Variants in PSMD7 observed in about 807,000 individuals in gnomAD.
PSMD7 encodes 26S proteasome non-ATPase regulatory subunit 7.
In PSMD7, 13 loss-of-function variants were observed where a neutral mutation model predicts 36.4. The observed-to-expected ratio is 0.36, with a 90% confidence interval of 0.23 to 0.57. The LOEUF is 0.57. Ranked by LOEUF, PSMD7 falls within the 20% of genes least tolerant of loss-of-function variation. The pLI is 0.83. For missense variants in PSMD7, 298 were observed against 393.6 expected (o/e 0.76, Z 2.06); for synonymous variants, 186 against 151.0 (o/e 1.23, Z -1.70).
intron 2 of PSMD7, 65 bp downstream of exon 2, chr16:74,300,271 A>C: frequency 7.0e-7 from 1 of 1,438,636 alleles, no homozygotes; most frequent in South Asian, 1.2e-5. Context: ...TTAAAAATAT[A>C]AACCTTTGTT....
chr16:74,297,316 C>T (rs1036152410), intron 1 of PSMD7, among the ~76,000 whole-genome samples: 1 of 152,168 alleles, frequency 6.6e-6, no homozygotes, highest in African/African-American at 2.4e-5. Context: ...ATGCGGCTAG[C>T]TTTAGTTGGC....
chr16:74,300,522 C>T lies in PSMD7; in HGVS notation c.166+316C>T, dbSNP rs2034147599. On this transcript the variant is annotated intron_variant, in intron 2 of 6. Coordinates refer to ENST00000219313, the MANE Select transcript of PSMD7 (RefSeq NM_002811.5). ...AAAACAGGCAGCTGGCACAGTTTGT[C>T]AGCCCCTGCACTAAACTGTTTAACC... 16 of 381,850 alleles carry T rather than the reference C, an allele frequency of 4.2e-5. 1 individual carries two copies. In the South Asian group the frequency reaches 4.5e-4, roughly 11 times the overall value. 23.7% of individuals were successfully genotyped at this position (381,850 alleles called of 1,614,324 possible).
chr16:74,303,639 C>G (rs1206715427), intron 5 of PSMD7, among the ~76,000 whole-genome samples: 2 of 151,378 alleles, frequency 1.3e-5, no homozygotes, highest in Non-Finnish European at 2.9e-5. Context: ...ATCCAAGAGA[C>G]AAAAAAGGGC....
intron 4 of PSMD7, 104 bp downstream of exon 4, chr16:74,301,756 T>A: frequency 1.2e-6 from 1 of 853,612 alleles, no homozygotes. Context: ...GCTTACTGCT[T>A]TATCTCCATA....
chr16:74,302,527 T>C (rs111739179), intron 5 of PSMD7, among the ~76,000 whole-genome samples: 1 of 152,162 alleles, frequency 6.6e-6, no homozygotes, highest in East Asian at 1.9e-4. Flanking sequence ...GGTGGGAGGA[T>C]TGCCTAAGCC....
rs369694607 is a variant in PSMD7 at position 74,296,880 on chromosome 16, C to T, written c.-35C>T. 2 of 1,609,324 alleles carry T rather than the reference C, an allele frequency of 1.2e-6. No homozygotes were observed. The highest frequency in any genetic ancestry group is 1.7e-6 in the Non-Finnish European group (2 of 1,177,976). On this transcript the variant is annotated 5_prime_UTR_variant, in exon 1 of 7. Transcript: ENST00000219313. ...TACTGCTGCCGGTGTTTGCGTGTGG[C>T]AGGGAGCCAGGCCTGGCGAGCGGGG...
chr16:74,305,565 G>A lies in PSMD7; in HGVS notation c.807G>A (p.Val269=), dbSNP rs765319181. The change falls in exon 7 of 7, where the codon GTG becomes GTA. Residue 269 remains valine, a synonymous_variant. Transcript: ENST00000219313. ...VVYLASLIRS[V]VALHNLINNK... is the part of the protein sequence containing the mutation. ...ACTTGGCCTCGCTGATCCGTTCCGT[G>A]GTCGCCCTGCACAACCTCATCAACA... is the stretch of plus-strand genomic sequence containing the variant. The A allele has an allele frequency of 2.5e-5, 41 of 1,612,360 alleles. No homozygotes were observed. The highest frequency in any genetic ancestry group is 2.5e-4 in the Admixed American group (15 of 59,960).
At chr16:74,301,489 C>T in intron 3 of PSMD7, 66 bp from the exon 4 acceptor site, 1 of 1,219,214 alleles carries the variant, frequency 8.2e-7, no homozygotes, top group Middle Eastern at 2.1e-4. Flanking sequence ...TGTTCTTATC[C>T]TTTTTGAGGG....
intron 1 of PSMD7, among the ~76,000 whole-genome samples, chr16:74,298,767 G>A (rs970492161): frequency 2.6e-5 from 4 of 152,082 alleles, no homozygotes; most frequent in South Asian, 2.1e-4. Flanking sequence ...TCAGCTACTC[G>A]GGAGGCTGAA....
chr16:74,300,982 G>A (rs776469705), intron 2 of PSMD7, 70 bp from the exon 3 acceptor site: 40 of 927,332 alleles, frequency 4.3e-5, no homozygotes, highest in Non-Finnish European at 6.4e-5. Context: ...TGGCCTAGGG[G>A]TCTTCAATTG....
intron 5 of PSMD7, among the ~76,000 whole-genome samples, chr16:74,303,019 T>C (rs1032476122): frequency 5.9e-5 from 9 of 152,214 alleles, no homozygotes; most frequent in African/African-American, 9.6e-5. Flanking sequence ...CAGTTGTTTT[T>C]AGTGAATTTT....
intron 2 of PSMD7, 37 bp downstream of exon 2, chr16:74,300,243 A>C: frequency 2.6e-6 from 4 of 1,547,866 alleles, no homozygotes; most frequent in Non-Finnish European, 3.6e-6. Flanking sequence ...GAGCATGATT[A>C]AAATGTCAGT....
intron 1 of PSMD7, among the ~76,000 whole-genome samples, chr16:74,297,400 A>G (rs544584398): frequency 7.6e-4 from 116 of 151,802 alleles, no homozygotes; most frequent in African/African-American, 2.6e-3. Flanking sequence ...GGATAAAGCC[A>G]GGGTGGGGCG....
At chr16:74,302,079 AT>A in intron 4 of PSMD7, 132 bp from the exon 5 acceptor site, 1 of 747,280 alleles carries the variant, frequency 1.3e-6, no homozygotes. Flanking sequence ...GCATAAATGC[AT>A]TTTTGCTGAA....
chr16:74,304,764 T>G lies in PSMD7; in HGVS notation c.530+370T>G, dbSNP rs530105995. ...CCATTTTCTGGAGAGAATCTTCATC[T>G]TGGAGTAGCTTTTGTTTTAAAATCC... On this transcript the variant is annotated intron_variant, in intron 6 of 6. Transcript: ENST00000219313. The G allele has an allele frequency of 8.0e-5, 14 of 175,724 alleles. No individual in the cohort carries two copies. In the East Asian group the frequency reaches 2.2e-3, roughly 28 times the overall value. 10.9% of individuals were successfully genotyped at this position (175,724 alleles called of 1,614,324 possible). A position where few individuals can be genotyped will look rare whatever the true frequency, so the allele number is the denominator to read the frequency against.
rs373771092 is a variant in PSMD7, at chr16:74,301,538, A to C, written c.260-17A>C. 88 of 1,572,058 alleles carry C rather than the reference A, an allele frequency of 5.6e-5. No individual in the cohort carries two copies. The highest frequency in any genetic ancestry group is 7.3e-5 in the Non-Finnish European group (84 of 1,143,720). ...TTCATGAAATAGTTAAAGCCTGCTA[A>C]TTTTTTTCCTTCCTAGCCAGGGAAA... is the stretch of plus-strand genomic sequence containing the variant. On this transcript the variant is annotated splice_polypyrimidine_tract_variant and intron_variant, in intron 3 of 6. Coordinates refer to ENST00000219313, the MANE Select transcript of PSMD7 (RefSeq NM_002811.5).
Position 74,305,333 on chromosome 16 carries a change from C to G in PSMD7, c.575C>G (p.Thr192Arg). 1 of 1,613,914 alleles carries G rather than the reference C, an allele frequency of 6.2e-7. No homozygotes were observed. Among genetic ancestry groups the G allele is most frequent in the Non-Finnish European group, 8.5e-7 (1 of 1,179,960 alleles). The change falls in exon 7 of 7, where the codon ACA becomes AGA. Residue 192 changes from threonine to arginine, a missense_variant. Thr to Arg is a moderately conservative substitution (Grantham distance 71). Coordinates refer to ENST00000219313, the MANE Select transcript of PSMD7 (RefSeq NM_002811.5). Reference protein sequence around the residue: ...TTVGTLSQRITNQVHGLKGLN... With the variant: ...TTVGTLSQRIRNQVHGLKGLN... Reference sequence around the variant, plus strand: ...GTGGGCACTCTGTCCCAGCGGATCACAAACCAGGTCCATGGTTTGAAGGGA... The same window carrying G: ...GTGGGCACTCTGTCCCAGCGGATCAGAAACCAGGTCCATGGTTTGAAGGGA...
chr16:74,304,694 G>T, intron 6 of PSMD7: 1 of 274,188 alleles, frequency 3.6e-6, no homozygotes, highest in East Asian at 8.0e-5. Flanking sequence ...TGAAATAAAT[G>T]CAGGCCTGCA....
At chr16:74,297,332 C>T (rs1301172556) in intron 1 of PSMD7, among the ~76,000 whole-genome samples, 4 of 152,166 alleles carry the variant, frequency 2.6e-5, no homozygotes, top group Non-Finnish European at 5.9e-5. Context: ...TTGGCCCTGA[C>T]CCCCGCCCCC....
Sources: gnomAD v4.1 joint callset for allele counts (sites outside exome capture counted in the v4.1 genomes callset) on GRCh38, gnomAD v4.1.1 for gene constraint, MANE v1.5 for transcripts, NCBI Gene and HGNC (gene_info 2026-07-23, HGNC 2026-07-21) for gene names.